Variants in GALK2 observed in about 807,000 individuals in gnomAD.
The protein encoded by GALK2 is galactokinase 2, also known as N-acetylgalactosamine kinase.
GALK2 carries 36 observed loss-of-function variants against 52.4 expected under a neutral mutation model. The ratio of observed to expected loss-of-function variants is 0.69; its 90% CI spans 0.53 to 0.91. GALK2 has a LOEUF of 0.91. Among genes scored for constraint, GALK2 ranks in the 40% least tolerant of loss-of-function variants. The probability of loss-of-function intolerance (pLI) is 0.00; values close to 1 mark genes in which losing one functional copy is unlikely to be tolerated. For missense variants in GALK2, 579 were observed against 559.1 expected, an observed-to-expected ratio of 1.04 and a Z score of -0.36; for synonymous variants, 176 against 199.1, an observed-to-expected ratio of 0.88 and a Z score of 0.98.
chr15:49,339,304 G>A (rs1387106185), intron 3 of GALK2, among the ~76,000 whole-genome samples: 1 of 152,148 alleles, frequency 6.6e-6, no homozygotes, highest in Non-Finnish European at 1.5e-5. Context: ...GTGACCTTTG[G>A]ATGGGGTCTC....
intron 3 of GALK2, among the ~76,000 whole-genome samples, chr15:49,352,343 T>C (rs1460485593): frequency 2.0e-5 from 3 of 152,180 alleles, no homozygotes; most frequent in African/African-American, 4.8e-5. Flanking sequence ...GATGGAAGAA[T>C]TGGTGAGGTC....
chr15:49,348,367 C>T (rs943970411), intron 3 of GALK2, among the ~76,000 whole-genome samples: 1 of 152,126 alleles, frequency 6.6e-6, no homozygotes, highest in Non-Finnish European at 1.5e-5. Flanking sequence ...AATTGAATAT[C>T]TAAGTCCTTC....
chr15:49,258,836 G>GAA (rs1566986862), intron 5 of GALK2, among the ~76,000 whole-genome samples: 20 of 150,422 alleles, frequency 1.3e-4, no homozygotes, highest in Non-Finnish European at 4.4e-5. Flanking sequence ...GTGTGAGAGA[G>GAA]AGAGAGAGAG....
At chr15:49,291,752 G>A (rs746494356) in intron 7 of GALK2, among the ~76,000 whole-genome samples, 1 of 152,132 alleles carries the variant, frequency 6.6e-6, no homozygotes, top group Non-Finnish European at 1.5e-5. Context: ...GGAACATATA[G>A]CTCTACTACC....
intron 3 of GALK2, among the ~76,000 whole-genome samples, chr15:49,228,882 A>G (rs947257138): frequency 3.1e-4 from 46 of 150,406 alleles, no homozygotes; most frequent in African/African-American, 1.1e-3. Context: ...TTTAGTAGAG[A>G]TGGTGTTTCA....
chr15:49,314,163 C>T (rs2036221010), intron 8 of GALK2, among the ~76,000 whole-genome samples: 1 of 152,172 alleles, frequency 6.6e-6, no homozygotes, highest in African/African-American at 2.4e-5. Flanking sequence ...AACTATGTAA[C>T]CATCTTTTAA....
intron 7 of GALK2, among the ~76,000 whole-genome samples, chr15:49,289,246 T>C (rs1407509496): frequency 6.6e-6 from 1 of 152,146 alleles, no homozygotes; most frequent in Non-Finnish European, 1.5e-5. Context: ...CAGTAGACAC[T>C]CACTGTGAGC....
At chr15:49,201,765 A>C (rs2087794138) in intron 2 of GALK2, among the ~76,000 whole-genome samples, 2 of 152,194 alleles carry the variant, frequency 1.3e-5, no homozygotes, top group Non-Finnish European at 2.9e-5. Flanking sequence ...TCATTTTATC[A>C]ATGTCCCTAT....
In GALK2 at chr15:49,329,138, C is replaced by A; in HGVS notation, c.*979C>A. 1 of 989,614 alleles carries A rather than the reference C, an allele frequency of 1.0e-6. No individual in the cohort carries two copies. The highest frequency in any genetic ancestry group is 1.2e-6 in the Non-Finnish European group (1 of 832,468). 61.3% of individuals were successfully genotyped at this position (989,614 alleles called of 1,614,324 possible). Reference sequence around the variant, plus strand: ...AGCAAAGCTTGTTTGTATATATGCACCCCATTGTAAAGCAGGTATGCAGGT... The same window carrying A: ...AGCAAAGCTTGTTTGTATATATGCAACCCATTGTAAAGCAGGTATGCAGGT... On this transcript the variant is annotated 3_prime_UTR_variant, in exon 10 of 10. Transcript: ENST00000560031.
chr15:49,200,805 G>A (rs941614953), intron 1 of GALK2, among the ~76,000 whole-genome samples: 4 of 152,150 alleles, frequency 2.6e-5, no homozygotes, highest in Admixed American at 6.5e-5. Context: ...CACTTTTAAT[G>A]TAAAGAGATT....
chr15:49,341,935 C>CATATA (rs1238724478), intron 3 of GALK2, among the ~76,000 whole-genome samples: 3 of 152,090 alleles, frequency 2.0e-5, no homozygotes, highest in Admixed American at 2.0e-4. Flanking sequence ...TTTATCAAAA[C>CATATA]TGCTTTATGG....
chr15:49,209,524 T>TA (rs1229232822), intron 2 of GALK2, among the ~76,000 whole-genome samples: 1 of 152,220 alleles, frequency 6.6e-6, no homozygotes, highest in Non-Finnish European at 1.5e-5. Flanking sequence ...CCTAGTATGT[T>TA]AAGAGTTTTT....
chr15:49,363,669 G>C (rs1044740547), intron 3 of GALK2, among the ~76,000 whole-genome samples: 5 of 152,118 alleles, frequency 3.3e-5, no homozygotes, highest in South Asian at 4.1e-4. Flanking sequence ...TGTTGAATAG[G>C]AGTGTTGAGA....
chr15:49,336,753 T>TAA (rs759669128), downstream of GALK2, among the ~76,000 whole-genome samples: 9 of 152,216 alleles, frequency 5.9e-5, no homozygotes, highest in African/African-American at 1.2e-4. Flanking sequence ...GCAGGTTTGA[T>TAA]ACATGGGTAT....
chr15:49,329,231 C>CT lies in GALK2; in HGVS notation c.*1073dup, dbSNP rs534910406. The CT allele has an allele frequency of 8.4e-5, 83 of 985,968 alleles. 1 individual carries two copies. The East Asian group carries it at 3.4e-3, about 40-fold the overall frequency. 61.1% of individuals were successfully genotyped at this position (985,968 alleles called of 1,614,324 possible). On this transcript the variant is annotated 3_prime_UTR_variant, in exon 10 of 10. Coordinates refer to ENST00000560031, the MANE Select transcript of GALK2 (RefSeq NM_002044.4). ...GATTTGTAATGGTATTGATGGGTAT[C>CT]TCTGTATGTATATCAAGAGTGGGCA... is the stretch of plus-strand genomic sequence containing the variant.
chr15:49,338,207 GT>G (rs1442504078), intron 3 of GALK2, among the ~76,000 whole-genome samples: 17 of 152,270 alleles, frequency 1.1e-4, no homozygotes, highest in African/African-American at 3.8e-4. Flanking sequence ...CGTTAATTAT[GT>G]AGTTTCTTTA....
At chr15:49,314,238 G>T (rs1181181126) in intron 8 of GALK2, among the ~76,000 whole-genome samples, 1 of 152,128 alleles carries the variant, frequency 6.6e-6, no homozygotes, top group African/African-American at 2.4e-5. Context: ...AATTTTAACT[G>T]TTTACAATTA....
intron 5 of GALK2, among the ~76,000 whole-genome samples, chr15:49,258,792 ATATGTGTGTGTGTG>A (rs1555416727): frequency 0.079 from 10,301 of 129,990 alleles, 526 homozygotes; most frequent in Middle Eastern, 0.16. Flanking sequence ...ATATATATAT[ATATGTGTGTGTGTG>A]TGTGTGTGTG....
Position 49,328,452 on chromosome 15 carries a change from C to T in GALK2, c.*293C>T, listed in dbSNP as rs532696312. The T allele has an allele frequency of 2.0e-6, 3 of 1,470,280 alleles. No homozygotes were observed. The highest frequency in any genetic ancestry group is 2.7e-6 in the Non-Finnish European group (3 of 1,111,194). The allele number at this position is 1,470,280 out of a possible 1,614,324, so 91.1% of individuals were successfully genotyped here. On this transcript the variant is annotated 3_prime_UTR_variant, in exon 10 of 10. Transcript: ENST00000560031. ...AAGATTTTAAAGATGAATGGTAAAA[C>T]ACACTCTTAATACTGATTACATGGA...
Sources: gnomAD v4.1 joint callset for allele counts (sites outside exome capture counted in the v4.1 genomes callset) on GRCh38, gnomAD v4.1.1 for gene constraint, MANE v1.5 for transcripts, NCBI Gene and HGNC (gene_info 2026-07-23, HGNC 2026-07-21) for gene names.